Variants in CDH12 observed in about 807,000 individuals in gnomAD.
CDH12 encodes cadherin 12.
CDH12 carries 41 observed loss-of-function variants against 74.1 expected under a neutral mutation model. The observed-to-expected ratio is 0.55, with a 90% confidence interval of 0.43 to 0.72. The LOEUF is 0.72. Among genes scored for constraint, CDH12 ranks in the 30% least tolerant of loss-of-function variants. The probability of loss-of-function intolerance (pLI) is 0.00; values close to 1 mark genes in which losing one functional copy is unlikely to be tolerated. For synonymous variants in CDH12, 399 were observed against 355.0 expected (o/e 1.12, Z -1.39); for missense variants, 945 against 977.2 (o/e 0.97, Z 0.44).
chr5:22,426,033 A>G lies in CDH12; in HGVS notation c.-427-20682T>C, dbSNP rs888032744. Among the ~76,000 whole-genome samples, 4 of 152,062 alleles carry G rather than the reference A, an allele frequency of 2.6e-5. No individual in the cohort carries two copies. The East Asian group carries it at 5.8e-4, about 22-fold the overall frequency. ...GAAACCCCGTATCTACTAAAAATAC[A>G]AAAATTAGCTGGGTGTGGTGGCGGG... is the stretch of plus-strand genomic sequence containing the variant. On this transcript the variant is annotated intron_variant, in intron 2 of 14. Coordinates refer to ENST00000382254, the MANE Select transcript of CDH12 (RefSeq NM_004061.5).
chr5:22,595,904 C>A (rs574118189), intron 1 of CDH12, among the ~76,000 whole-genome samples: 1 of 151,056 alleles, frequency 6.6e-6, no homozygotes, highest in Non-Finnish European at 1.5e-5. Flanking sequence ...GGTGAAACCC[C>A]GTCTCTACTA....
At position 22,003,139 on chromosome 5, in the gene CDH12, TATGAATAA is replaced by T. The variant is rs540963462; in HGVS notation, c.232-27762_232-27755del. Among the ~76,000 whole-genome samples the T allele has an allele frequency of 9.7e-4, 147 of 152,158 alleles. No individual in the cohort carries two copies. The Middle Eastern group carries it at 0.014, about 14-fold the overall frequency. On this transcript the variant is annotated intron_variant, in intron 5 of 14. Coordinates refer to ENST00000382254, the MANE Select transcript of CDH12 (RefSeq NM_004061.5). ...AGAATGGAATTTGCTTTTATAAATTTATGAATAATTCTTGCCTTATATAATATATATAA... is the reference window on the plus strand; with the variant it reads ...AGAATGGAATTTGCTTTTATAAATTTTTCTTGCCTTATATAATATATATAA...
intron 11 of CDH12, among the ~76,000 whole-genome samples, chr5:21,775,792 T>A (rs1343985540): frequency 6.6e-6 from 1 of 152,168 alleles, no homozygotes; most frequent in East Asian, 1.9e-4. Context: ...TTATATTTAA[T>A]GTATTTAGCC....
intron 2 of CDH12, among the ~76,000 whole-genome samples, chr5:22,425,172 A>AATAT (rs1491328055): frequency 9.8e-4 from 82 of 83,482 alleles, no homozygotes; most frequent in African/African-American, 3.3e-3. Context: ...TATATATATA[A>AATAT]ATATATATAT....
At chr5:22,806,905 T>C (rs62342488) in intron 1 of CDH12, among the ~76,000 whole-genome samples, 524 of 152,326 alleles carry the variant, frequency 3.4e-3, no homozygotes, top group Middle Eastern at 6.8e-3. Context: ...GCAAAAATTT[T>C]CTCCCATTCT....
intron 6 of CDH12, among the ~76,000 whole-genome samples, chr5:21,902,151 T>A (rs12515933): frequency 0.2 from 30,254 of 151,896 alleles, 3,662 homozygotes; most frequent in African/African-American, 0.34. Context: ...ATCTTAGAGA[T>A]ATGTTGCCTC....
At position 22,354,056 on chromosome 5, in the gene CDH12, G is replaced by C. The variant is rs117359961; in HGVS notation, c.-333+51201C>G. On this transcript the variant is annotated intron_variant, in intron 3 of 14. Transcript: ENST00000382254. ...TGACAAAATTCCCATCCAAGTCTCA[G>C]AAAGCACTTTCCTCTGAAGTGAATC... Among the ~76,000 whole-genome samples, 708 of 152,304 alleles carry C rather than the reference G, an allele frequency of 4.6e-3. 24 individuals carry two copies. In the East Asian group the frequency reaches 0.095, roughly 21 times the overall value.
At chr5:22,124,148 A>ATTATT (rs926705732) in intron 4 of CDH12, among the ~76,000 whole-genome samples, 2 of 150,210 alleles carry the variant, frequency 1.3e-5, no homozygotes, top group Admixed American at 6.6e-5. Flanking sequence ...TATTATTATT[A>ATTATT]TTATTTTATT....
intron 5 of CDH12, among the ~76,000 whole-genome samples, chr5:22,011,162 G>A (rs934061037): frequency 2.6e-5 from 4 of 152,002 alleles, no homozygotes; most frequent in Admixed American, 6.6e-5. Context: ...ATTTATGAAG[G>A]CATGCCAGAA....
chr5:22,170,483 G>A (rs1483911409), intron 4 of CDH12, among the ~76,000 whole-genome samples: 1 of 151,574 alleles, frequency 6.6e-6, no homozygotes, highest in Admixed American at 6.6e-5. Flanking sequence ...ATTACCTGAA[G>A]CTGGGAGGGT....
chr5:22,828,919 C>T lies in CDH12; in HGVS notation c.-523+24139G>A, dbSNP rs926871630. On this transcript the variant is annotated intron_variant, in intron 1 of 14. Transcript: ENST00000382254. ...TAACAGGTATTTTATTGATTACTCA[C>T]ATATGCTAATGGAAAAGTTATTATT... Among the ~76,000 whole-genome samples, 12 of 152,252 alleles carry T rather than the reference C, an allele frequency of 7.9e-5. No homozygotes were observed. In the East Asian group the frequency reaches 2.3e-3, roughly 29 times the overall value.
chr5:22,793,921 T>C (rs1748053141), intron 1 of CDH12, among the ~76,000 whole-genome samples: 1 of 152,206 alleles, frequency 6.6e-6, no homozygotes, highest in Admixed American at 6.5e-5. Flanking sequence ...GCATTGATAT[T>C]AGCAATCTGC....
At chr5:22,700,892 A>G (rs1361445501) in intron 1 of CDH12, among the ~76,000 whole-genome samples, 1 of 152,174 alleles carries the variant, frequency 6.6e-6, no homozygotes, top group Non-Finnish European at 1.5e-5. Context: ...ATAAATAGAG[A>G]GTTGTAAGAT....
intron 1 of CDH12, among the ~76,000 whole-genome samples, chr5:22,683,107 G>C (rs1741582471): frequency 6.6e-6 from 1 of 152,124 alleles, no homozygotes; most frequent in African/African-American, 2.4e-5. Context: ...TGCTGAGATT[G>C]CCATTTCTTA....
chr5:22,038,350 C>T lies in CDH12; in HGVS notation c.231+40096G>A, dbSNP rs376128498. Among the ~76,000 whole-genome samples, 7 of 152,256 alleles carry T rather than the reference C, an allele frequency of 4.6e-5. No individual in the cohort carries two copies. The East Asian group carries it at 1.4e-3, about 29-fold the overall frequency. ...ACTCCCAGTTGCAGCTGTGCCCTCT[C>T]TCCCTAGGGGGCTGAGCTGAAGCTG... On this transcript the variant is annotated intron_variant, in intron 5 of 14. Transcript: ENST00000382254.
At chr5:22,366,027 T>C (rs1187581794) in intron 3 of CDH12, among the ~76,000 whole-genome samples, 1 of 152,128 alleles carries the variant, frequency 6.6e-6, no homozygotes, top group Non-Finnish European at 1.5e-5. Flanking sequence ...GGTGCGATCT[T>C]GGCTCACTGC....
At chr5:22,422,435 G>C (rs1045461202) in intron 2 of CDH12, among the ~76,000 whole-genome samples, 4 of 151,836 alleles carry the variant, frequency 2.6e-5, no homozygotes, top group African/African-American at 9.7e-5. Flanking sequence ...CTTGATCATG[G>C]TGGATAATCT....
intron 1 of CDH12, among the ~76,000 whole-genome samples, chr5:22,688,922 T>TG (rs1741945467): frequency 6.6e-6 from 1 of 152,144 alleles, no homozygotes; most frequent in Admixed American, 6.5e-5. Flanking sequence ...GGCCAATTAA[T>TG]GTTTATTTAA....
chr5:22,626,616 G>A (rs939087108), intron 1 of CDH12, among the ~76,000 whole-genome samples: 8 of 152,124 alleles, frequency 5.3e-5, no homozygotes, highest in Admixed American at 3.3e-4. Flanking sequence ...AAATATCAAA[G>A]AGTAAAGGAA....
Sources: gnomAD v4.1 joint callset for allele counts (sites outside exome capture counted in the v4.1 genomes callset) on GRCh38, gnomAD v4.1.1 for gene constraint, MANE v1.5 for transcripts, NCBI Gene and HGNC (gene_info 2026-07-23, HGNC 2026-07-21) for gene names.